Variants in DDC observed in about 807,000 individuals in gnomAD.
The protein encoded by DDC is dopa decarboxylase.
Under a neutral mutation model 60.0 loss-of-function variants are expected in DDC, and 43 were observed. The observed-to-expected ratio is 0.72, with a 90% confidence interval of 0.56 to 0.92. The LOEUF (loss-of-function observed/expected upper bound fraction) is 0.92. DDC is among the 40% of genes least tolerant of loss of function. The probability of loss-of-function intolerance (pLI) is 0.00; values close to 1 mark genes in which losing one functional copy is unlikely to be tolerated. For synonymous variants in DDC, 232 were observed against 234.6 expected (o/e 0.99, Z 0.10); for missense variants, 573 against 620.2 (o/e 0.92, Z 0.81).
intron 6 of DDC, among the ~76,000 whole-genome samples, chr7:50,513,681 G>T (rs1234333981): frequency 6.6e-6 from 1 of 152,026 alleles, no homozygotes; most frequent in Admixed American, 6.5e-5. Context: ...TGGGAGCTGG[G>T]TGAGGGCTGT....
intron 7 of DDC, among the ~76,000 whole-genome samples, chr7:50,502,325 C>T (rs555908103): frequency 4.6e-5 from 7 of 152,310 alleles, no homozygotes; most frequent in South Asian, 4.1e-4. Context: ...AGGTGACACA[C>T]GCTGGCTGTC....
rs757502598 is a variant in DDC, at chr7:50,476,577, C to G, written c.1041+47G>C. ...TGTGTGACAGCTGTGGCGTAGCCCC[C>G]CAGCACTCCACTAGCATTTGAGATT... On this transcript the variant is annotated intron_variant, in intron 11 of 14. Transcript: ENST00000444124. The G allele has an allele frequency of 1.9e-6, 3 of 1,555,052 alleles. No homozygotes were observed. The East Asian group carries it at 6.7e-5, about 35-fold the overall frequency.
intron 1 of DDC, among the ~76,000 whole-genome samples, chr7:50,544,816 A>T (rs1457840954): frequency 2.0e-5 from 3 of 152,216 alleles, no homozygotes; most frequent in African/African-American, 7.2e-5. Flanking sequence ...CTTCTAGGGG[A>T]AATACAATTT....
At chr7:50,475,756 C>G (rs953946998) in intron 11 of DDC, among the ~76,000 whole-genome samples, 1 of 151,480 alleles carries the variant, frequency 6.6e-6, no homozygotes, top group Non-Finnish European at 1.5e-5. Flanking sequence ...GTGGCATGAT[C>G]TCGGCTCACT....
rs1585253148 is a variant in DDC, at chr7:50,536,895, A to G, written c.435+965T>C. Among the ~76,000 whole-genome samples the G allele has an allele frequency of 2.6e-5, 4 of 152,354 alleles. No individual in the cohort carries two copies. The South Asian group carries it at 8.3e-4, about 32-fold the overall frequency. ...CTTCACCAATTCTCAGAGCCTTGTG[A>G]AAGACAATATCTGAAAAGGAAGCCC... On this transcript the variant is annotated intron_variant, in intron 4 of 14. Coordinates refer to ENST00000444124, the MANE Select transcript of DDC (RefSeq NM_001082971.2).
At position 50,470,145 on chromosome 7, in the gene DDC, T is replaced by G; in HGVS notation, c.1068A>C (p.Arg356Ser). Residue 356 changes from arginine to serine, a missense_variant, in exon 12 of 15, where the codon AGA becomes AGC. Arg to Ser is a moderately radical substitution (Grantham distance 110, BLOSUM62 -1). Transcript: ENST00000444124. ...CAAACCACATTTTCAAAGAGCGAAATCTTCTGCCCAGTGGTATCTGCCAAT... is the reference window on the plus strand; with the variant it reads ...CAAACCACATTTTCAAAGAGCGAAAGCTTCTGCCCAGTGGTATCTGCCAAT... The part of the protein sequence containing the change: ...YRHWQIPLGR[R>S]FRSLKMWFVF... The G allele has an allele frequency of 6.2e-7, 1 of 1,613,262 alleles. No individual in the cohort carries two copies. Among genetic ancestry groups the G allele is most frequent in the Non-Finnish European group, 8.5e-7 (1 of 1,179,234 alleles).
chr7:50,562,227 G>C (rs1455014399), intron 1 of DDC, among the ~76,000 whole-genome samples: 7 of 152,202 alleles, frequency 4.6e-5, no homozygotes, highest in African/African-American at 1.7e-4. Flanking sequence ...CGGGGACCTG[G>C]CAGGTGGTAC....
chr7:50,489,791 C>T (rs2042961582), intron 9 of DDC, among the ~76,000 whole-genome samples: 1 of 152,216 alleles, frequency 6.6e-6, no homozygotes, highest in Admixed American at 6.5e-5. Context: ...AGACCAGCAT[C>T]TGTGTCCCTA....
intron 11 of DDC, among the ~76,000 whole-genome samples, chr7:50,473,950 G>A (rs555876140): frequency 6.6e-6 from 1 of 152,306 alleles, no homozygotes; most frequent in East Asian, 1.9e-4. Flanking sequence ...GTGGCTTTGG[G>A]CCTCACTCAC....
At chr7:50,482,098 T>A (rs1355345515) in intron 9 of DDC, among the ~76,000 whole-genome samples, 1 of 152,234 alleles carries the variant, frequency 6.6e-6, no homozygotes, top group Non-Finnish European at 1.5e-5. Context: ...GCCAATGGAA[T>A]AGCACAAGGT....
Position 50,467,207 on chromosome 7 carries a change from G to C in DDC, c.1242+7C>G, listed in dbSNP as rs2153533786. On this transcript the variant is annotated splice_region_variant and intron_variant, in intron 13 of 14. Coordinates refer to ENST00000444124, the MANE Select transcript of DDC (RefSeq NM_001082971.2). Reference sequence around the variant, plus strand: ...GAAAATGAAGAATGGAATAGATGTAGACAAACCTTTAGCCGAAAGCAGACA... The same window carrying C: ...GAAAATGAAGAATGGAATAGATGTACACAAACCTTTAGCCGAAAGCAGACA... The C allele has an allele frequency of 6.2e-7, 1 of 1,610,652 alleles. No individual in the cohort carries two copies. The highest frequency in any genetic ancestry group is 2.2e-5 in the East Asian group (1 of 44,862).
chr7:50,534,399 C>T (rs1563035121), intron 4 of DDC, among the ~76,000 whole-genome samples: 1 of 152,278 alleles, frequency 6.6e-6, no homozygotes, highest in African/African-American at 2.4e-5. Context: ...GAGTTTGAGA[C>T]CAGCCTGGGC....
chr7:50,557,447 T>C (rs1278641656), intron 1 of DDC, among the ~76,000 whole-genome samples: 1 of 152,228 alleles, frequency 6.6e-6, no homozygotes, highest in East Asian at 1.9e-4. Context: ...ATGAAACTGA[T>C]TGATATTATT....
Position 50,528,124 on chromosome 7 carries a change from C to G in DDC, c.714+13G>C, listed in dbSNP as rs556621741. 4 of 1,612,172 alleles carry G rather than the reference C, an allele frequency of 2.5e-6. No homozygotes were observed. Among genetic ancestry groups the G allele is most frequent in the Non-Finnish European group, 2.5e-6 (3 of 1,179,830 alleles). On this transcript the variant is annotated intron_variant, in intron 6 of 14. Transcript: ENST00000444124. Reference sequence around the variant, plus strand: ...CCTTATTGGCCAGGAGCCACAAGTGCTGCCGAACTTACAAAGAAAGGAATC... The same window carrying G: ...CCTTATTGGCCAGGAGCCACAAGTGGTGCCGAACTTACAAAGAAAGGAATC...
intron 1 of DDC, among the ~76,000 whole-genome samples, chr7:50,548,440 T>A (rs1401628943): frequency 6.6e-6 from 1 of 152,230 alleles, no homozygotes; most frequent in African/African-American, 2.4e-5. Flanking sequence ...ACATGAATGC[T>A]AAGCAAAATA....
At chr7:50,501,797 G>A (rs2043263830) in intron 7 of DDC, among the ~76,000 whole-genome samples, 1 of 152,182 alleles carries the variant, frequency 6.6e-6, no homozygotes, top group African/African-American at 2.4e-5. Context: ...ATGTTGGCCG[G>A]ACACAGTGGG....
At chr7:50,497,433 C>T (rs998883900) in intron 8 of DDC, among the ~76,000 whole-genome samples, 1 of 152,158 alleles carries the variant, frequency 6.6e-6, no homozygotes, top group Non-Finnish European at 1.5e-5. Context: ...AAACCTGATA[C>T]CCAGAGTTAG....
chr7:50,538,989 G>A (rs73123261), intron 3 of DDC: 13,567 of 152,244 alleles, frequency 0.089, 963 homozygotes, highest in South Asian at 0.14. Context: ...CTGCTCACCC[G>A]GCAACTTCCA....
chr7:50,460,404 A>C (rs1377246925), intron 14 of DDC, among the ~76,000 whole-genome samples: 2 of 125,958 alleles, frequency 1.6e-5, no homozygotes, highest in South Asian at 5.2e-4. Flanking sequence ...ATCCGGGAGG[A>C]AGGTGGGGGG....
Sources: gnomAD v4.1 joint callset for allele counts (sites outside exome capture counted in the v4.1 genomes callset) on GRCh38, gnomAD v4.1.1 for gene constraint, MANE v1.5 for transcripts, NCBI Gene and HGNC (gene_info 2026-07-23, HGNC 2026-07-21) for gene names.